The following GDI2 variants were observed in gnomAD, a reference collection of about 807,000 sequenced individuals.
GDI2 encodes rab GDP dissociation inhibitor beta.
GDI2 carries 22 observed loss-of-function variants against 54.2 expected under a neutral mutation model. That is an observed-to-expected ratio of 0.41 (90% CI 0.29 to 0.58). The LOEUF (loss-of-function observed/expected upper bound fraction) is 0.58. Ranked by LOEUF, GDI2 falls within the 20% of genes least tolerant of loss-of-function variation. The pLI is 0.35. For synonymous variants in GDI2, 177 were observed against 182.1 expected, an observed-to-expected ratio of 0.97 and a Z score of 0.23; for missense variants, 422 against 546.0, an observed-to-expected ratio of 0.77 and a Z score of 2.26.
intron 1 of GDI2, among the ~76,000 whole-genome samples, chr10:5,806,269 T>C (rs79428948): frequency 0.03 from 4,628 of 152,222 alleles, 96 homozygotes; most frequent in Middle Eastern, 0.088. Context: ...TGAACACTTT[T>C]TAAATAGTTG....
intron 4 of GDI2, among the ~76,000 whole-genome samples, chr10:5,788,768 T>TG: frequency 6.7e-6 from 1 of 148,514 alleles, no homozygotes; most frequent in East Asian, 1.9e-4. Flanking sequence ...GTTTGCATGT[T>TG]TTTTTTTTTT....
At chr10:5,803,148 A>AT (rs1446983410) in intron 1 of GDI2, among the ~76,000 whole-genome samples, 1 of 152,232 alleles carries the variant, frequency 6.6e-6, no homozygotes, top group Non-Finnish European at 1.5e-5. Flanking sequence ...AACGTGAAAT[A>AT]TTGATAGTCT....
chr10:5,813,140 C>T (rs1160637854), intron 1 of GDI2, 74 bp downstream of exon 1: 1 of 906,330 alleles, frequency 1.1e-6, no homozygotes, highest in African/African-American at 1.7e-5. Context: ...GAGCTGCGAC[C>T]CGCGGGCCGT....
intron 1 of GDI2, among the ~76,000 whole-genome samples, chr10:5,809,213 C>G (rs1841439573): frequency 6.7e-6 from 1 of 148,314 alleles, no homozygotes; most frequent in Admixed American, 7.0e-5. Flanking sequence ...TCACTGTACT[C>G]CAGCCTGGGC....
chr10:5,778,171 C>T (rs1168757190), intron 6 of GDI2, among the ~76,000 whole-genome samples: 1 of 152,016 alleles, frequency 6.6e-6, no homozygotes, highest in East Asian at 1.9e-4. Flanking sequence ...ACTAGAAGTA[C>T]CTAATGTAGA....
At chr10:5,789,327 C>A (rs531021262) in intron 4 of GDI2, among the ~76,000 whole-genome samples, 2 of 151,772 alleles carry the variant, frequency 1.3e-5, no homozygotes, top group South Asian at 4.2e-4. Context: ...CTCGAACTCT[C>A]GGGCTCAAGT....
At chr10:5,791,895 G>T (rs539708057) in intron 4 of GDI2, among the ~76,000 whole-genome samples, 1 of 152,196 alleles carries the variant, frequency 6.6e-6, no homozygotes, top group African/African-American at 2.4e-5. Context: ...TAGCCTGGGG[G>T]ACAAAGAAAA....
At position 5,765,444 on chromosome 10, in the gene GDI2, C is replaced by T. The variant is rs565063720; in HGVS notation, c.*562G>A. On this transcript the variant is annotated 3_prime_UTR_variant, in exon 11 of 11. Transcript: ENST00000380191. ...ATTAGGTTAAAACACCACATACAGG[C>T]TTTCTCCAAATGACTCCCTATGTCT... is the stretch of plus-strand genomic sequence containing the variant. The T allele has an allele frequency of 1.3e-5, 2 of 152,852 alleles. No individual in the cohort carries two copies. Among genetic ancestry groups the T allele is most frequent in the East Asian group, 3.8e-4 (2 of 5,198 alleles). The allele number at this position is 152,852 out of a possible 1,614,324, so 9.5% of individuals were successfully genotyped here. A position where few individuals can be genotyped will look rare whatever the true frequency, so the allele number is the denominator to read the frequency against.
intron 1 of GDI2, among the ~76,000 whole-genome samples, chr10:5,804,152 G>C (rs1182953234): frequency 6.6e-6 from 1 of 151,272 alleles, no homozygotes. Context: ...GGAGTGCAGT[G>C]GCGCGATCTT....
intron 7 of GDI2, among the ~76,000 whole-genome samples, chr10:5,771,846 C>T (rs1840495775): frequency 6.6e-6 from 1 of 152,172 alleles, no homozygotes; most frequent in Non-Finnish European, 1.5e-5. Flanking sequence ...AATCCCAGCA[C>T]TTTGGGAGGC....
In GDI2 at chr10:5,776,700, A is replaced by C. The variant is rs1365534279; in HGVS notation, c.720-2759T>G. 1.4e-5 allele frequency: 20 copies of C among 1,462,026 alleles called. No homozygotes were observed. Among genetic ancestry groups the C allele is most frequent in the Non-Finnish European group, 1.8e-5 (19 of 1,049,904 alleles). The allele number at this position is 1,462,026 out of a possible 1,614,324, so 90.6% of individuals were successfully genotyped here. A position where few individuals can be genotyped will look rare whatever the true frequency, so the allele number is the denominator to read the frequency against. On this transcript the variant is annotated intron_variant, in intron 6 of 10. Transcript: ENST00000380191. This position sits in a 1 kb window ranked among gnomAD's most constrained non-coding sequence, Gnocchi z 5.3. The stretch of plus-strand genomic sequence containing the variant: ...TCAGAGTTATGGAGCTTGCCGCCAC[A>C]TTCAGAAACTGCTACAGCCTCTTTA...
intron 6 of GDI2, 91 bp downstream of exon 6, chr10:5,785,051 A>G: frequency 7.6e-6 from 6 of 793,050 alleles, no homozygotes; most frequent in Admixed American, 2.7e-5. Context: ...TCATAGACTG[A>G]TCTCATCTCA....
intron 7 of GDI2, among the ~76,000 whole-genome samples, chr10:5,772,662 T>C (rs1040047488): frequency 3.9e-5 from 6 of 151,908 alleles, no homozygotes; most frequent in Admixed American, 1.3e-4. Context: ...GAGGCTGAGG[T>C]AGGAGAATCA....
intron 4 of GDI2, among the ~76,000 whole-genome samples, chr10:5,790,538 G>A (rs1345720678): frequency 6.6e-6 from 1 of 151,994 alleles, no homozygotes; most frequent in Non-Finnish European, 1.5e-5. Context: ...CCAGATACTT[G>A]GGGAGGCTGA....
At position 5,794,980 on chromosome 10, in the gene GDI2, C is replaced by T; in HGVS notation, c.293G>A (p.Arg98His). The T allele has an allele frequency of 5.0e-6, 8 of 1,592,444 alleles. No homozygotes were observed. The highest frequency in any genetic ancestry group is 1.1e-5 in the South Asian group (1 of 90,592). The change falls in exon 4 of 11, where the codon CGC becomes CAC. Residue 98 changes from arginine (R) to histidine (H), a missense_variant. Physicochemically the swap from Arg to His is conservative, Grantham distance 29. Coordinates refer to ENST00000380191, the MANE Select transcript of GDI2 (RefSeq NM_001494.4). ...VKMLLYTEVT[R>H]YLDFKVTEGS... Reference sequence around the variant, plus strand: ...TTCAGTCACTTTAAAATCCAGATAGCGAGTTACCTCTGTATAAAGCAGCAT... The same window carrying T: ...TTCAGTCACTTTAAAATCCAGATAGTGAGTTACCTCTGTATAAAGCAGCAT...
At chr10:5,796,726 A>C (rs368217552) in intron 3 of GDI2, 37 bp downstream of exon 3, 330 of 965,660 alleles carry the variant, frequency 3.4e-4, no homozygotes, top group Middle Eastern at 1.5e-3. Context: ...AATTGTAATC[A>C]AAGTACTGTC....
chr10:5,784,759 A>C (rs535333589), intron 6 of GDI2, among the ~76,000 whole-genome samples: 2 of 152,226 alleles, frequency 1.3e-5, no homozygotes, highest in African/African-American at 2.4e-5. Flanking sequence ...GAGTGTCTGC[A>C]AAGAGTCCTG....
rs1360187495 is a variant in GDI2, at chr10:5,808,832, A to C, written c.45+4382T>G. Among the ~76,000 whole-genome samples the C allele has an allele frequency of 2.0e-5, 3 of 152,190 alleles. No individual in the cohort carries two copies. The East Asian group carries it at 5.8e-4, about 29-fold the overall frequency. On this transcript the variant is annotated intron_variant, in intron 1 of 10. Coordinates refer to ENST00000380191, the MANE Select transcript of GDI2 (RefSeq NM_001494.4). ...TACTTACCTAGAAACATGAGAAATT[A>C]ACCAGAAAAATTTTAAATCAGTTCA...
In GDI2 at chr10:5,774,080, TAAAGCAAGA is replaced by T; in HGVS notation, c.720-148_720-140del. On this transcript the variant is annotated intron_variant, in intron 6 of 10. Transcript: ENST00000380191. The surrounding 1 kb of genome is among the most constrained non-coding windows in gnomAD (Gnocchi z 4.8). ...AGAAAGATGTCAGCTTAGAAGTGATTAAAGCAAGAAAACAGAGTCAAAAACACAAACATA... is the reference window on the plus strand; with the variant it reads ...AGAAAGATGTCAGCTTAGAAGTGATTAAACAGAGTCAAAAACACAAACATA... The T allele has an allele frequency of 4.2e-6, 2 of 481,032 alleles. No homozygotes were observed. Among genetic ancestry groups the T allele is most frequent in the Non-Finnish European group, 7.2e-6 (2 of 278,434 alleles). 29.8% of individuals were successfully genotyped at this position (481,032 alleles called of 1,614,324 possible).
Sources: allele counts gnomAD v4.1 joint callset (sites outside exome capture counted in the v4.1 genomes callset), GRCh38; gene constraint gnomAD v4.1.1; non-coding constraint Gnocchi (gnomAD v3.1); transcripts MANE v1.5; gene names NCBI Gene and HGNC (gene_info 2026-07-23, HGNC 2026-07-21).